The following ZCCHC14 variants were observed in gnomAD, a reference collection of about 807,000 sequenced individuals.
The protein encoded by ZCCHC14 is zinc finger CCHC-type containing 14.
In ZCCHC14, 16 loss-of-function variants were observed where a neutral mutation model predicts 85.0. The ratio of observed to expected loss-of-function variants is 0.19; its 90% CI spans 0.13 to 0.29. The LOEUF (loss-of-function observed/expected upper bound fraction) is 0.29, where lower values mean the gene tolerates loss of function less well. ZCCHC14 is among the 10% of genes least tolerant of loss of function. The pLI is 1.00. For synonymous variants in ZCCHC14, 775 were observed against 630.7 expected (o/e 1.23, Z -3.43); for missense variants, 1,303 against 1,443.5 (o/e 0.90, Z 1.58).
intron 6 of ZCCHC14, among the ~76,000 whole-genome samples, chr16:87,419,338 TCA>T (rs1281778445): frequency 6.6e-6 from 1 of 151,848 alleles, no homozygotes; most frequent in East Asian, 1.9e-4. Context: ...ACTTGCTCTG[TCA>T]ACCATGCTGG....
intron 3 of ZCCHC14, among the ~76,000 whole-genome samples, chr16:87,427,129 G>C (rs1216990903): frequency 6.6e-6 from 1 of 152,214 alleles, no homozygotes; most frequent in Non-Finnish European, 1.5e-5. Flanking sequence ...AACAGTGTTG[G>C]ATACTGGGTG....
At chr16:87,472,134 A>G (rs1409155891) in intron 1 of ZCCHC14, 2 of 152,282 alleles carry the variant, frequency 1.3e-5, no homozygotes, top group Admixed American at 1.3e-4. Flanking sequence ...CTGAAGTAGG[A>G]GGAGTAAACA....
Position 87,420,670 on chromosome 16 carries a change from C to G in ZCCHC14, c.887G>C (p.Cys296Ser), listed in dbSNP as rs754512149. Residue 296 changes from cysteine (C) to serine (S), a missense_variant, in exon 5 of 13, where the codon TGC (cysteine) becomes TCC (serine). Transcript: ENST00000671377. This position sits in a 1 kb window ranked among gnomAD's most constrained non-coding sequence, Gnocchi z 5.0. ...ATAAAATGCGTCCGGACCAGCTAAG[C>G]AAGGAATGAGTTTCTCCAAGTTCTC... ...PEENLEKLIP[C>S]LAGPDAFYVE... is the part of the protein sequence containing the mutation. 1 of 1,613,894 alleles carries G rather than the reference C, an allele frequency of 6.2e-7. No homozygotes were observed. The highest frequency in any genetic ancestry group is 1.1e-5 in the South Asian group (1 of 91,004).
chr16:87,419,753 T>C, intron 6 of ZCCHC14, 30 bp downstream of exon 6: 1 of 1,522,610 alleles, frequency 6.6e-7, no homozygotes, highest in Non-Finnish European at 8.8e-7. Flanking sequence ...TTTTTTTTAA[T>C]TTATATTTAA....
At chr16:87,432,642 C>T (rs1432907057) in intron 3 of ZCCHC14, among the ~76,000 whole-genome samples, 2 of 152,162 alleles carry the variant, frequency 1.3e-5, no homozygotes, top group Non-Finnish European at 2.9e-5. Flanking sequence ...CATCTCGACC[C>T]TGGTCACCGT....
chr16:87,439,516 C>A (rs1201084271), intron 2 of ZCCHC14, among the ~76,000 whole-genome samples: 1 of 152,084 alleles, frequency 6.6e-6, no homozygotes, highest in African/African-American at 2.4e-5. Flanking sequence ...CAAAGTAAAG[C>A]AAAGCTGAAT....
intron 1 of ZCCHC14, among the ~76,000 whole-genome samples, chr16:87,481,031 G>C (rs1031059687): frequency 1.3e-5 from 2 of 152,178 alleles, no homozygotes; most frequent in African/African-American, 4.8e-5. Flanking sequence ...GCATGCATTT[G>C]ACGAGGACCA....
At chr16:87,415,013 C>A (rs1218611289) in intron 9 of ZCCHC14, among the ~76,000 whole-genome samples, 1 of 152,188 alleles carries the variant, frequency 6.6e-6, no homozygotes, top group African/African-American at 2.4e-5. Context: ...ACCTGAGAGG[C>A]AGAGGTTGCA....
At chr16:87,485,590 C>CAAAAAAAAA (rs35083614) in intron 1 of ZCCHC14, among the ~76,000 whole-genome samples, 2 of 98,652 alleles carry the variant, frequency 2.0e-5, no homozygotes, top group African/African-American at 6.3e-5. Flanking sequence ...GGCAGTTTTC[C>CAAAAAAAAA]AAAAAAAAAA....
At chr16:87,476,728 G>C (rs1356485080) in intron 1 of ZCCHC14, among the ~76,000 whole-genome samples, 1 of 115,106 alleles carries the variant, frequency 8.7e-6, no homozygotes, top group African/African-American at 3.3e-5. Context: ...AGTTTTTAAG[G>C]CCTGGGGGTG....
chr16:87,459,856 AT>A, intron 2 of ZCCHC14, 151 bp downstream of exon 2: 1 of 1,234,938 alleles, frequency 8.1e-7, no homozygotes, highest in Non-Finnish European at 1.1e-6. Context: ...GCCAAAGCAT[AT>A]TCATGTATTG....
rs527885824 is a variant in ZCCHC14, at chr16:87,420,584, C to T, written c.950+23G>A. 38 of 1,595,480 alleles carry T rather than the reference C, an allele frequency of 2.4e-5. No homozygotes were observed. Among genetic ancestry groups the T allele is most frequent in the African/African-American group, 1.2e-4 (9 of 74,662 alleles). ...CTGTCCTTGCCAGCTGTGGACGCGC[C>T]GGGTGCCTGGTAAGGGCCTCACCTC... On this transcript the variant is annotated intron_variant, in intron 5 of 12. Transcript: ENST00000671377. The surrounding 1 kb of genome is among the most constrained non-coding windows in gnomAD (Gnocchi z 5.0).
rs78208689 is a variant in ZCCHC14 at position 87,462,737 on chromosome 16, C to CAA, written c.571-2608_571-2607dup. Among the ~76,000 whole-genome samples the CAA allele has an allele frequency of 2.5e-4, 36 of 143,476 alleles. 1 individual carries two copies. Among genetic ancestry groups the CAA allele is most frequent in the Admixed American group, 5.1e-4 (7 of 13,798 alleles). The allele number at this position is 143,476 out of a possible 152,430, so 94.1% of individuals were successfully genotyped here. A position where few individuals can be genotyped will look rare whatever the true frequency, so the allele number is the denominator to read the frequency against. On this transcript the variant is annotated intron_variant, in intron 1 of 12. Coordinates refer to ENST00000671377, the MANE Select transcript of ZCCHC14 (RefSeq NM_015144.3). ...CCTGGGCGACAGAGACTCTATCTCA[C>CAA]AAAAAAAAAAAAAAGAAAAAAGAAA...
At chr16:87,435,202 C>A (rs912516173) in intron 2 of ZCCHC14, among the ~76,000 whole-genome samples, 2 of 152,132 alleles carry the variant, frequency 1.3e-5, no homozygotes, top group Non-Finnish European at 2.9e-5. Context: ...TCTGTGCACA[C>A]GCTCTGGGGA....
chr16:87,453,849 A>T (rs1370714505), intron 2 of ZCCHC14, among the ~76,000 whole-genome samples: 1 of 152,246 alleles, frequency 6.6e-6, no homozygotes, highest in East Asian at 1.9e-4. Context: ...AGTGACCCCA[A>T]TGCTGGAACT....
chr16:87,459,479 G>C (rs1400644043), intron 2 of ZCCHC14, among the ~76,000 whole-genome samples: 2 of 151,640 alleles, frequency 1.3e-5, no homozygotes, highest in African/African-American at 4.8e-5. Flanking sequence ...CAAGTAGCTG[G>C]GATTACAAGC....
intron 2 of ZCCHC14, among the ~76,000 whole-genome samples, chr16:87,450,532 T>G (rs1241964589): frequency 2.0e-5 from 3 of 152,042 alleles, no homozygotes; most frequent in Non-Finnish European, 4.4e-5. Flanking sequence ...ACAAAAGTAG[T>G]GAGTAATTGG....
intron 1 of ZCCHC14, among the ~76,000 whole-genome samples, chr16:87,483,946 T>C (rs1912401557): frequency 6.6e-6 from 1 of 152,206 alleles, no homozygotes; most frequent in African/African-American, 2.4e-5. Flanking sequence ...CAAAATGTTA[T>C]CTATAGGGCC....
chr16:87,467,301 A>G, intron 1 of ZCCHC14: 6 of 1,580,804 alleles, frequency 3.8e-6, no homozygotes, highest in Non-Finnish European at 5.2e-6. Context: ...ATCAAGCCTC[A>G]ATAATGTAAC....
Sources: allele counts gnomAD v4.1 joint callset (sites outside exome capture counted in the v4.1 genomes callset), GRCh38; gene constraint gnomAD v4.1.1; non-coding constraint Gnocchi (gnomAD v3.1); transcripts MANE v1.5; gene names NCBI Gene and HGNC (gene_info 2026-07-23, HGNC 2026-07-21).